GPC5: variants seen among roughly 807,000 people sequenced by gnomAD.
The protein encoded by GPC5 is glypican 5.
Under a neutral mutation model 53.9 loss-of-function variants are expected in GPC5, and 47 were observed. The ratio of observed to expected loss-of-function variants is 0.87; its 90% confidence interval spans 0.69 to 1.11. The LOEUF is 1.11. Ranked by LOEUF, GPC5 falls within the 50% of genes most tolerant of loss-of-function variation. The probability of loss-of-function intolerance (pLI) is 0.00; values close to 1 mark genes in which losing one functional copy is unlikely to be tolerated. For synonymous variants in GPC5, 286 were observed against 263.3 expected (o/e 1.09, Z -0.84); for missense variants, 748 against 713.1 (o/e 1.05, Z -0.56).
chr13:92,749,050 T>A (rs999179161), intron 7 of GPC5, among the ~76,000 whole-genome samples: 1 of 152,186 alleles, frequency 6.6e-6, no homozygotes, highest in African/African-American at 2.4e-5. Context: ...GTAGGTACCA[T>A]TCAAGATATA....
In GPC5 at chr13:91,579,156, A is replaced by G. The variant is rs144578653; in HGVS notation, c.326-114031A>G. ...TTTTAATTTCTTGTGACATTCCATG[A>G]TAATTGTCATGTACTGTCACATGTG... On this transcript the variant is annotated intron_variant, in intron 2 of 7. Coordinates refer to ENST00000377067, the MANE Select transcript of GPC5 (RefSeq NM_004466.6). 5.8e-3 allele frequency among the ~76,000 whole-genome samples: 878 copies of G among 152,284 alleles called. 7 individuals carry two copies. The highest frequency in any genetic ancestry group is 0.02 in the African/African-American group (846 of 41,544).
intron 7 of GPC5, among the ~76,000 whole-genome samples, chr13:92,641,476 A>T (rs1166067237): frequency 6.6e-6 from 1 of 152,244 alleles, no homozygotes; most frequent in East Asian, 1.9e-4. Context: ...AATGCAGTAT[A>T]TGATTCTAGA....
At chr13:91,678,101 C>T (rs1429853767) in intron 2 of GPC5, among the ~76,000 whole-genome samples, 1 of 152,152 alleles carries the variant, frequency 6.6e-6, no homozygotes, top group Non-Finnish European at 1.5e-5. Flanking sequence ...GAGGAAGTTT[C>T]TCTCATGTCA....
intron 5 of GPC5, among the ~76,000 whole-genome samples, chr13:91,860,869 A>G (rs2039020319): frequency 6.6e-6 from 1 of 152,190 alleles, no homozygotes; most frequent in African/African-American, 2.4e-5. Context: ...TATCTTGGGT[A>G]TTGTGAATAG....
At chr13:92,807,444 C>T (rs948705128) in intron 7 of GPC5, among the ~76,000 whole-genome samples, 2 of 151,990 alleles carry the variant, frequency 1.3e-5, no homozygotes, top group East Asian at 3.9e-4. Context: ...AAATCAAGAT[C>T]AGAGTCAGCT....
intron 7 of GPC5, among the ~76,000 whole-genome samples, chr13:92,299,586 A>G (rs1486101490): frequency 6.6e-6 from 1 of 152,180 alleles, no homozygotes; most frequent in East Asian, 1.9e-4. Flanking sequence ...AGTGTAAAAA[A>G]CCAATGACAT....
chr13:92,108,371 G>A (rs907225830), intron 6 of GPC5, among the ~76,000 whole-genome samples: 2 of 152,114 alleles, frequency 1.3e-5, no homozygotes, highest in African/African-American at 2.4e-5. Flanking sequence ...TTCAAGTAAT[G>A]CATTATTATC....
In GPC5 at chr13:91,448,962, G is replaced by A. The variant is rs200740688; in HGVS notation, c.325+40G>A. On this transcript the variant is annotated intron_variant, in intron 2 of 7. Transcript: ENST00000377067. ...AATTCTGCAACTAAGGACTGGCCGT[G>A]TTATGTAATTTGCCTAAGATAGTTA... The A allele has an allele frequency of 7.5e-6, 12 of 1,592,766 alleles. No individual in the cohort carries two copies. In the Admixed American group the frequency reaches 1.9e-4, roughly 26 times the overall value.
intron 7 of GPC5, among the ~76,000 whole-genome samples, chr13:92,249,409 G>T (rs1354383784): frequency 6.6e-6 from 1 of 152,002 alleles, no homozygotes; most frequent in Non-Finnish European, 1.5e-5. Flanking sequence ...TGGTACCTGT[G>T]ATCAGTATCT....
intron 7 of GPC5, among the ~76,000 whole-genome samples, chr13:92,858,010 C>A (rs190903709): frequency 1.3e-3 from 204 of 152,264 alleles, no homozygotes; most frequent in Non-Finnish European, 2.3e-3. Flanking sequence ...AAAAGTCACA[C>A]GCACTCATAT....
chr13:92,122,957 A>G (rs2041663021), intron 6 of GPC5, among the ~76,000 whole-genome samples: 1 of 152,120 alleles, frequency 6.6e-6, no homozygotes, highest in Non-Finnish European at 1.5e-5. Flanking sequence ...TATAGACATT[A>G]TGTATGTTCC....
chr13:92,305,902 G>A (rs1019955060), intron 7 of GPC5, among the ~76,000 whole-genome samples: 2 of 152,118 alleles, frequency 1.3e-5, no homozygotes, highest in Non-Finnish European at 2.9e-5. Flanking sequence ...CTTTTAGGGT[G>A]GCCAGAGGTA....
At chr13:92,613,605 TTTATTTTA>T (rs952679988) in intron 7 of GPC5, among the ~76,000 whole-genome samples, 4 of 121,834 alleles carry the variant, frequency 3.3e-5, no homozygotes, top group African/African-American at 6.3e-5. Flanking sequence ...TTTTATTATA[TTTATTTTA>T]TTATTTTATT....
chr13:91,530,931 C>A (rs2138661566), intron 2 of GPC5, among the ~76,000 whole-genome samples: 2 of 152,228 alleles, frequency 1.3e-5, no homozygotes, highest in Admixed American at 1.3e-4. Context: ...AACAATAGTT[C>A]TTTGGTATCA....
intron 7 of GPC5, among the ~76,000 whole-genome samples, chr13:92,813,495 A>G (rs989764498): frequency 1.3e-5 from 2 of 151,978 alleles, no homozygotes; most frequent in African/African-American, 4.8e-5. Flanking sequence ...TTCCCTCCAT[A>G]GTTCCAAACT....
chr13:91,756,911 A>T (rs1284488390), intron 5 of GPC5, among the ~76,000 whole-genome samples: 1 of 152,008 alleles, frequency 6.6e-6, no homozygotes, highest in Non-Finnish European at 1.5e-5. Flanking sequence ...AGAGAGATTG[A>T]GAAAGAGAGA....
intron 7 of GPC5, among the ~76,000 whole-genome samples, chr13:92,496,345 A>G (rs1879980754): frequency 6.6e-6 from 1 of 152,340 alleles, no homozygotes; most frequent in East Asian, 1.9e-4. Context: ...CTAAAGCTGG[A>G]ATTTTAGAAA....
At chr13:92,595,767 C>CAA (rs35255458) in intron 7 of GPC5, among the ~76,000 whole-genome samples, 24,155 of 93,282 alleles carry the variant, frequency 0.26, 3,558 homozygotes, top group African/African-American at 0.3. Flanking sequence ...GACTCTGTCT[C>CAA]AAAAAAAAAA....
chr13:91,745,907 T>C (rs2037039665), intron 4 of GPC5, among the ~76,000 whole-genome samples: 2 of 152,300 alleles, frequency 1.3e-5, no homozygotes, highest in Non-Finnish European at 2.9e-5. Context: ...ACAAGTTTAA[T>C]TACTTTCAAG....
Sources: gnomAD v4.1 joint callset for allele counts (sites outside exome capture counted in the v4.1 genomes callset) on GRCh38, gnomAD v4.1.1 for gene constraint, MANE v1.5 for transcripts, NCBI Gene and HGNC (gene_info 2026-07-23, HGNC 2026-07-21) for gene names.